The following SLC24A2 variants were observed in gnomAD, a reference collection of about 807,000 sequenced individuals.
SLC24A2 encodes the protein sodium/potassium/calcium exchanger 2.
In SLC24A2, 36 loss-of-function variants were observed where a neutral mutation model predicts 62.0. That is an observed-to-expected ratio of 0.58 (90% confidence interval 0.44 to 0.77). The LOEUF (loss-of-function observed/expected upper bound fraction) is 0.77, where lower values mean the gene tolerates loss of function less well. SLC24A2 is among the 30% of genes least tolerant of loss of function. The pLI, the probability that SLC24A2 is intolerant of heterozygous loss-of-function variation, is 0.00. For missense variants in SLC24A2, 846 were observed against 817.9 expected, an observed-to-expected ratio of 1.03 and a Z score of -0.42; for synonymous variants, 358 against 294.0, an observed-to-expected ratio of 1.22 and a Z score of -2.23.
the SLC24A2 span, among the ~76,000 whole-genome samples, chr9:20,302,032 G>A: frequency 6.6e-6 from 1 of 152,122 alleles, no homozygotes. Flanking sequence ...CTTTCACTTA[G>A]TAATATGCAT....
At chr9:19,977,586 G>A in the SLC24A2 span, among the ~76,000 whole-genome samples, 5 of 152,280 alleles carry the variant, frequency 3.3e-5, no homozygotes, top group Non-Finnish European at 5.9e-5. Flanking sequence ...TAACTTGGGC[G>A]TGACTTGCTG....
chr9:19,835,336 A>G, the SLC24A2 span, among the ~76,000 whole-genome samples: 2 of 152,310 alleles, frequency 1.3e-5, no homozygotes, highest in Non-Finnish European at 2.9e-5. Flanking sequence ...AATCCATCAC[A>G]CATGCAGAGA....
At chr9:20,189,986 A>T in the SLC24A2 span, among the ~76,000 whole-genome samples, 1 of 152,082 alleles carries the variant, frequency 6.6e-6, no homozygotes. Flanking sequence ...AGTGGGACTG[A>T]TCCAAGCATC....
At chr9:19,699,673 A>G (rs1820299662) in intron 2 of SLC24A2, among the ~76,000 whole-genome samples, 1 of 152,214 alleles carries the variant, frequency 6.6e-6, no homozygotes, top group Non-Finnish European at 1.5e-5. Context: ...TAAACACTGG[A>G]AAGAAATGTA....
the SLC24A2 span, among the ~76,000 whole-genome samples, chr9:19,842,188 G>A: frequency 0.017 from 2,548 of 152,240 alleles, 25 homozygotes; most frequent in Middle Eastern, 0.038. Flanking sequence ...TGTCAGCACC[G>A]CATCCAAGGA....
the SLC24A2 span, among the ~76,000 whole-genome samples, chr9:19,970,740 C>A: frequency 6.6e-6 from 1 of 152,122 alleles, no homozygotes; most frequent in African/African-American, 2.4e-5. Context: ...TTTTCTGTTG[C>A]TCCATTTTCA....
At chr9:19,798,796 A>T in the SLC24A2 span, among the ~76,000 whole-genome samples, 1 of 152,208 alleles carries the variant, frequency 6.6e-6, no homozygotes, top group Non-Finnish European at 1.5e-5. Context: ...GAAGATCTAT[A>T]GCTATAGCTA....
chr9:19,967,375 A>C, the SLC24A2 span: 1 of 152,164 alleles, frequency 6.6e-6, no homozygotes, highest in Admixed American at 6.5e-5. Flanking sequence ...AATTCTTAGC[A>C]AACTGCTCAT....
intron 8 of SLC24A2, among the ~76,000 whole-genome samples, chr9:19,533,267 G>A (rs1452423425): frequency 1.3e-5 from 2 of 152,162 alleles, no homozygotes; most frequent in Non-Finnish European, 2.9e-5. Context: ...CAGGCCCTAA[G>A]GAGGGGCAAA....
the SLC24A2 span, among the ~76,000 whole-genome samples, chr9:19,938,739 G>A: frequency 6.6e-6 from 1 of 152,070 alleles, no homozygotes; most frequent in Non-Finnish European, 1.5e-5. Context: ...AGATGACTGA[G>A]ATGTTTTATT....
chr9:19,571,463 A>T (rs1040761809), intron 7 of SLC24A2, among the ~76,000 whole-genome samples: 7 of 152,038 alleles, frequency 4.6e-5, no homozygotes, highest in African/African-American at 1.5e-4. Context: ...TTCTATTTGC[A>T]GGCACTGTAT....
At chr9:19,645,330 C>G (rs900727914) in intron 2 of SLC24A2, among the ~76,000 whole-genome samples, 1 of 152,100 alleles carries the variant, frequency 6.6e-6, no homozygotes, top group African/African-American at 2.4e-5. Context: ...TTATTATTAT[C>G]ATTTTAGACT....
the SLC24A2 span, among the ~76,000 whole-genome samples, chr9:20,220,006 A>C: frequency 8.4e-4 from 128 of 152,182 alleles, 1 homozygote; most frequent in African/African-American, 2.9e-3. Context: ...TGCTTTGAGA[A>C]AGTGTAACAT....
chr9:20,083,049 G>A, the SLC24A2 span, among the ~76,000 whole-genome samples: 21 of 152,232 alleles, frequency 1.4e-4, no homozygotes, highest in African/African-American at 4.6e-4. Flanking sequence ...CTACAGTGCC[G>A]GGGTCATTAA....
At chr9:19,638,398 G>A (rs989340385) in intron 2 of SLC24A2, among the ~76,000 whole-genome samples, 3 of 152,150 alleles carry the variant, frequency 2.0e-5, no homozygotes, top group African/African-American at 7.2e-5. Context: ...TATTCATTTG[G>A]CAGATGATTA....
rs150010936 is a variant in SLC24A2 at position 19,745,564 on chromosome 9, G to T, written c.930+40373C>A. On this transcript the variant is annotated intron_variant, in intron 2 of 10. Transcript: ENST00000341998. ...CTATGCGTTGATAAGCATCCAAGGC[G>T]ATTGTGATGGCTGCAAGTTTCAGAA... 8.2e-4 allele frequency among the ~76,000 whole-genome samples: 125 copies of T among 152,078 alleles called. 1 individual carries two copies. The highest frequency in any genetic ancestry group is 2.6e-4 in the Non-Finnish European group (18 of 68,010).
chr9:20,122,459 G>A, the SLC24A2 span, among the ~76,000 whole-genome samples: 1 of 152,130 alleles, frequency 6.6e-6, no homozygotes, highest in Non-Finnish European at 1.5e-5. Context: ...GGCTGACGTG[G>A]GCAGATCACT....
At chr9:20,019,083 G>GAGAAAGAAAGAA in the SLC24A2 span, among the ~76,000 whole-genome samples, 6 of 105,966 alleles carry the variant, frequency 5.7e-5, no homozygotes, top group Non-Finnish European at 1.0e-4. Flanking sequence ...CAGAGAAAGA[G>GAGAAAGAAAGAA]AGAAAGAAAG....
chr9:19,525,526 C>A (rs1383584284), intron 9 of SLC24A2, among the ~76,000 whole-genome samples: 3 of 151,174 alleles, frequency 2.0e-5, no homozygotes, highest in South Asian at 4.2e-4. Context: ...CACTCAACCT[C>A]CCGAGTAGCT....
Sources: allele counts gnomAD v4.1 joint callset (sites outside exome capture counted in the v4.1 genomes callset), GRCh38; gene constraint gnomAD v4.1.1; transcripts MANE v1.5; gene names NCBI Gene and HGNC (gene_info 2026-07-23, HGNC 2026-07-21).